C21orf58: variants seen among roughly 807,000 people sequenced by gnomAD.
C21orf58 encodes the protein uncharacterized protein C21orf58.
C21orf58 carries 34 observed loss-of-function variants against 35.8 expected under a neutral mutation model. That is an observed-to-expected ratio of 0.95 (90% CI 0.72 to 1.26). The LOEUF is 1.26. Ranked by LOEUF, C21orf58 falls within the 50% of genes most tolerant of loss-of-function variation. The pLI, the probability that C21orf58 is intolerant of heterozygous loss-of-function variation, is 0.00. For missense variants in C21orf58, 440 were observed against 414.3 expected (o/e 1.06, Z -0.54); for synonymous variants, 191 against 175.8 (o/e 1.09, Z -0.68).
At chr21:46,315,366 G>C (rs1362175793) in intron 4 of C21orf58, 108 bp downstream of exon 4, 2 of 748,024 alleles carry the variant, frequency 2.7e-6, no homozygotes, top group Non-Finnish European at 4.8e-6. Context: ...GGCCCTGAGA[G>C]TCTGGAAAGG....
chr21:46,304,748 G>A (rs1450356943), intron 6 of C21orf58, among the ~76,000 whole-genome samples: 2 of 152,132 alleles, frequency 1.3e-5, no homozygotes, highest in Non-Finnish European at 2.9e-5. Flanking sequence ...CTAGGCATGC[G>A]TTCCATTAGA....
chr21:46,314,711 CT>C lies in C21orf58; in HGVS notation c.609+4del. ...CAGATGTGCTCCTCGACTTCGCCCT[CT>C]TACCGTAGGCAGGATGATCCTTGGC... On this transcript the variant is annotated splice_donor_region_variant and intron_variant, in intron 5 of 7. Coordinates refer to ENST00000291691, the MANE Select transcript of C21orf58 (RefSeq NM_058180.5). The C allele has an allele frequency of 1.4e-6, 2 of 1,451,774 alleles. No individual in the cohort carries two copies. Among genetic ancestry groups the C allele is most frequent in the Non-Finnish European group, 9.1e-7 (1 of 1,094,804 alleles). The allele number at this position is 1,451,774 out of a possible 1,614,324, so 89.9% of individuals were successfully genotyped here. A position where few individuals can be genotyped will look rare whatever the true frequency, so the allele number is the denominator to read the frequency against.
At chr21:46,310,505 A>C (rs1379550370) in intron 6 of C21orf58, among the ~76,000 whole-genome samples, 2 of 151,730 alleles carry the variant, frequency 1.3e-5, no homozygotes, top group African/African-American at 2.4e-5. Flanking sequence ...AATAAAAAAA[A>C]AAAACAAAAC....
At chr21:46,317,140 T>G in intron 3 of C21orf58, 68 bp downstream of exon 3, 1 of 1,423,528 alleles carries the variant, frequency 7.0e-7, no homozygotes, top group South Asian at 1.2e-5. Flanking sequence ...CCCCTGGAGG[T>G]GGCTCCCCCT....
chr21:46,300,601 C>G (rs916203571), downstream of C21orf58: 1 of 1,157,750 alleles, frequency 8.6e-7, no homozygotes, highest in Admixed American at 3.7e-5. Context: ...AGTGTTACTG[C>G]CAGTAGCTGC....
In C21orf58 at chr21:46,301,692, T is replaced by C. The variant is rs2082112763; in HGVS notation, c.*307A>G. 1 of 1,157,346 alleles carries C rather than the reference T, an allele frequency of 8.6e-7. No individual in the cohort carries two copies. Among genetic ancestry groups the C allele is most frequent in the African/African-American group, 1.6e-5 (1 of 62,920 alleles). The allele number at this position is 1,157,346 out of a possible 1,614,324, so 71.7% of individuals were successfully genotyped here. A position where few individuals can be genotyped will look rare whatever the true frequency, so the allele number is the denominator to read the frequency against. On this transcript the variant is annotated 3_prime_UTR_variant, in exon 8 of 8. Coordinates refer to ENST00000291691, the MANE Select transcript of C21orf58 (RefSeq NM_058180.5). ...GTGATGGAAGAGGGGGATCTGAGGC[T>C]CCCAGGTGGGCCGGCGCCGCCCTAC...
Position 46,318,179 on chromosome 21 carries a change from C to T in C21orf58, c.142G>A (p.Gly48Ser), listed in dbSNP as rs149778986. ...AACTGCTCAGCAGGAGCCCAAGCAC[C>T]GGTGTTGCCTGCAGGGCGGGCCTTA... ...GGKARPAGNT[G>S]AWAPAEQFFP... is the part of the protein sequence containing the mutation. Residue 48 changes from glycine to serine, a missense_variant, in exon 2 of 8, where the codon GGT becomes AGT. Physicochemically the swap from Gly to Ser is moderately conservative, Grantham distance 56 (BLOSUM62 0). Coordinates refer to ENST00000291691, the MANE Select transcript of C21orf58 (RefSeq NM_058180.5). 2.0e-5 allele frequency: 32 copies of T among 1,612,950 alleles called. No homozygotes were observed. The African/African-American group carries it at 3.2e-4, about 16-fold the overall frequency.
At chr21:46,306,477 A>C (rs2082423626) in intron 6 of C21orf58, among the ~76,000 whole-genome samples, 1 of 152,170 alleles carries the variant, frequency 6.6e-6, no homozygotes, top group South Asian at 2.1e-4. Flanking sequence ...CCAGCCTGGC[A>C]ACAGAGCGAC....
intron 5 of C21orf58, among the ~76,000 whole-genome samples, chr21:46,313,908 T>G (rs927449331): frequency 2.6e-5 from 4 of 152,076 alleles, no homozygotes; most frequent in Admixed American, 2.6e-4. Context: ...GTCACACGAA[T>G]CCCACCAAAG....
intron 6 of C21orf58, among the ~76,000 whole-genome samples, chr21:46,309,461 CAA>C (rs1231165345): frequency 3.8e-4 from 34 of 90,272 alleles, no homozygotes; most frequent in East Asian, 1.1e-3. Context: ...GACTCCGTCT[CAA>C]AAAAAAAAAA....
downstream of C21orf58, chr21:46,300,780 A>C (rs1289270038): frequency 7.0e-6 from 9 of 1,289,432 alleles, no homozygotes; most frequent in Non-Finnish European, 8.1e-6. Context: ...AACTTCAGGA[A>C]TGAAAGAATC....
At chr21:46,314,136 T>TTTTTTTTGTTTTTG (rs1412755034) in intron 5 of C21orf58, among the ~76,000 whole-genome samples, 2 of 151,914 alleles carry the variant, frequency 1.3e-5, no homozygotes, top group African/African-American at 4.8e-5. Context: ...ATAAAGTTTT[T>TTTTTTTTGTTTTTG]TTTTTGAGAT....
intron 1 of C21orf58, chr21:46,322,403 T>C: frequency 1.0e-6 from 1 of 983,042 alleles, no homozygotes; most frequent in Non-Finnish European, 1.2e-6. Flanking sequence ...TAGGCAAACC[T>C]GGGCACATCC....
At chr21:46,317,335 G>A (rs186065102) in intron 2 of C21orf58, 67 bp from the exon 3 acceptor site, 67 of 1,575,180 alleles carry the variant, frequency 4.3e-5, no homozygotes, top group Non-Finnish European at 4.0e-5. Context: ...CTCCAGGAAT[G>A]ACTAAGAGGC....
At chr21:46,319,910 A>T (rs2146120927) in intron 1 of C21orf58, among the ~76,000 whole-genome samples, 1 of 152,008 alleles carries the variant, frequency 6.6e-6, no homozygotes, top group East Asian at 1.9e-4. Context: ...AAAAAAAATA[A>T]AAAAAATAAA....
intron 1 of C21orf58, among the ~76,000 whole-genome samples, chr21:46,320,390 T>G (rs1601710070): frequency 6.6e-6 from 1 of 151,444 alleles, no homozygotes; most frequent in African/African-American, 2.4e-5. Flanking sequence ...GTGTGAGCCA[T>G]AGCACCTGGC....
intron 6 of C21orf58, among the ~76,000 whole-genome samples, chr21:46,311,213 A>G (rs2146021191): frequency 6.6e-6 from 1 of 152,262 alleles, no homozygotes; most frequent in Middle Eastern, 3.4e-3. Flanking sequence ...TGGTTTTTGA[A>G]TGGATGATGA....
downstream of C21orf58, chr21:46,300,984 G>A: frequency 5.1e-6 from 4 of 791,428 alleles, no homozygotes; most frequent in Non-Finnish European, 5.1e-6. Flanking sequence ...AGGGGAGTGA[G>A]CCGCCCTTCC....
At chr21:46,304,426 C>G (rs1421882052) in intron 6 of C21orf58, among the ~76,000 whole-genome samples, 1 of 151,344 alleles carries the variant, frequency 6.6e-6, no homozygotes, top group Non-Finnish European at 1.5e-5. Context: ...GTTGAGGCTG[C>G]AGCGAGGTAT....
Sources: allele counts gnomAD v4.1 joint callset (sites outside exome capture counted in the v4.1 genomes callset), GRCh38; gene constraint gnomAD v4.1.1; transcripts MANE v1.5; gene names NCBI Gene and HGNC (gene_info 2026-07-23, HGNC 2026-07-21).